The following TRIM50 variants were observed in gnomAD, a reference collection of about 807,000 sequenced individuals.
TRIM50 encodes the protein E3 ubiquitin-protein ligase TRIM50.
TRIM50 carries 34 observed loss-of-function variants against 44.9 expected under a neutral mutation model. The ratio of observed to expected loss-of-function variants is 0.76; its 90% CI spans 0.58 to 1.01. The LOEUF (loss-of-function observed/expected upper bound fraction) is 1.01. Ranked by LOEUF, TRIM50 falls within the 50% of genes least tolerant of loss-of-function variation. The pLI is 0.00. For missense variants in TRIM50, 633 were observed against 663.7 expected, an observed-to-expected ratio of 0.95 and a Z score of 0.51; for synonymous variants, 307 against 291.1, an observed-to-expected ratio of 1.05 and a Z score of -0.56.
intron 5 of TRIM50, among the ~76,000 whole-genome samples, chr7:73,318,260 C>T (rs1181224095): frequency 2.0e-5 from 3 of 152,188 alleles, no homozygotes; most frequent in Non-Finnish European, 2.9e-5. Context: ...TCATGAGTAG[C>T]GGGGACTATA....
chr7:73,316,541 AAGG>A, intron 6 of TRIM50, 21 bp downstream of exon 6: 1 of 1,613,444 alleles, frequency 6.2e-7, no homozygotes, highest in Non-Finnish European at 8.5e-7. Flanking sequence ...AGCCCTCAGG[AAGG>A]AGGACGGGTC....
rs1554543952 is a variant in TRIM50, at chr7:73,315,728, A to T, written c.874+837T>A. 1.3e-5 allele frequency among the ~76,000 whole-genome samples: 2 copies of T among 152,184 alleles called. 1 individual carries two copies. Among genetic ancestry groups the T allele is most frequent in the Non-Finnish European group, 2.9e-5 (2 of 68,036 alleles). On this transcript the variant is annotated intron_variant, in intron 6 of 6. Transcript: ENST00000333149. ...CTGTTAGCAGTCTCCCTTATGTACAAGACAGCATGCTAGTAATAAAGGAAT... is the reference window on the plus strand; with the variant it reads ...CTGTTAGCAGTCTCCCTTATGTACATGACAGCATGCTAGTAATAAAGGAAT...
chr7:73,315,107 A>G, intron 6 of TRIM50: 1 of 300,822 alleles, frequency 3.3e-6, no homozygotes, highest in Non-Finnish European at 6.5e-6. Flanking sequence ...AACAAATGTG[A>G]TGAGATCCGC....
intron 2 of TRIM50, among the ~76,000 whole-genome samples, chr7:73,321,572 G>A (rs1804496313): frequency 6.6e-6 from 1 of 152,118 alleles, no homozygotes; most frequent in African/African-American, 2.4e-5. Context: ...CACTTCTCCT[G>A]GACTGCCCGG....
Position 73,313,670 on chromosome 7 carries a change from CTGAATGAATGAATGAA to C in TRIM50, c.875-176_875-161del, listed in dbSNP as rs3040866. ...GAAGGGGCCAGTACAGGGCTGCTCC[CTGAATGAATGAATGAA>C]TGAATGAATGAATGAATGAATGAAG... On this transcript the variant is annotated intron_variant, in intron 6 of 6. Coordinates refer to ENST00000333149, the MANE Select transcript of TRIM50 (RefSeq NM_178125.3). The surrounding 1 kb of genome is among the most constrained non-coding windows in gnomAD (Gnocchi z 4.9). Among the ~76,000 whole-genome samples the C allele has an allele frequency of 2.0e-5, 3 of 148,924 alleles. No individual in the cohort carries two copies. Among genetic ancestry groups the C allele is most frequent in the Non-Finnish European group, 4.5e-5 (3 of 67,018 alleles).
chr7:73,327,510 G>A (rs1397611944), intron 1 of TRIM50, among the ~76,000 whole-genome samples: 1 of 151,914 alleles, frequency 6.6e-6, no homozygotes, highest in Non-Finnish European at 1.5e-5. Flanking sequence ...ATCAATCAGT[G>A]TCTTGTCTGG....
At chr7:73,315,903 G>A (rs1381741597) in intron 6 of TRIM50, among the ~76,000 whole-genome samples, 9 of 146,638 alleles carry the variant, frequency 6.1e-5, no homozygotes, top group East Asian at 2.0e-4. Context: ...TTTTTGAGAC[G>A]GAGTTTTGCT....
chr7:73,313,932 G>A lies in TRIM50; in HGVS notation c.875-422C>T, dbSNP rs1804298402. On this transcript the variant is annotated intron_variant, in intron 6 of 6. Coordinates refer to ENST00000333149, the MANE Select transcript of TRIM50 (RefSeq NM_178125.3). This position sits in a 1 kb window ranked among gnomAD's most constrained non-coding sequence, Gnocchi z 4.9. ...TGTGAGCCTATAGCTCAGCCCTCAG[G>A]GATTTCTGGAGAACCCATAACAACT... is the stretch of plus-strand genomic sequence containing the variant. Among the ~76,000 whole-genome samples, 1 of 152,122 alleles carries A rather than the reference G, an allele frequency of 6.6e-6. No homozygotes were observed. The highest frequency in any genetic ancestry group is 6.6e-5 in the Admixed American group (1 of 15,250).
Position 73,313,156 on chromosome 7 carries a change from TG to T in TRIM50, c.1228del (p.His410ThrfsTer106). The T allele has an allele frequency of 6.3e-7, 1 of 1,588,324 alleles. No homozygotes were observed. Among genetic ancestry groups the T allele is most frequent in the South Asian group, 1.1e-5 (1 of 87,550 alleles). On this transcript the variant is annotated frameshift_variant, in exon 7 of 7. Transcript: ENST00000333149. LOFTEE classifies it high-confidence loss of function. This position sits in a 1 kb window ranked among gnomAD's most constrained non-coding sequence, Gnocchi z 4.9. ...CAGGTAGAGCCCGATGCGGTGGGGG[TG>T]GCCGGCCACGGGCAGGGGTACCCGG... Reference protein sequence around the residue: ...CPRVPLPVAGHPHRIGLYLHY... With the variant: ...CPRVPLPVAGXPHRIGLYLHY...
At chr7:73,324,306 T>C in intron 2 of TRIM50, 83 bp downstream of exon 2, 2 of 1,602,274 alleles carry the variant, frequency 1.2e-6, no homozygotes, top group East Asian at 2.2e-5. Flanking sequence ...CTGGATCCTT[T>C]TGGTGCCAGG....
chr7:73,327,471 C>G (rs1255900202), intron 1 of TRIM50, among the ~76,000 whole-genome samples: 221 of 152,160 alleles, frequency 1.5e-3, no homozygotes, highest in Middle Eastern at 3.4e-3. Context: ...GGGCTCAGAA[C>G]GAGCCTCTGT....
chr7:73,325,931 AG>A (rs1804614530), intron 1 of TRIM50, among the ~76,000 whole-genome samples: 1 of 152,192 alleles, frequency 6.6e-6, no homozygotes. Flanking sequence ...TCTGTTGCCC[AG>A]GCTGGAGTGC....
At chr7:73,326,404 CTT>C (rs36063137) in intron 1 of TRIM50, among the ~76,000 whole-genome samples, 101 of 138,874 alleles carry the variant, frequency 7.3e-4, no homozygotes, top group Admixed American at 3.7e-3. Flanking sequence ...AGCCTGGCCT[CTT>C]TTTTTTTTTT....
At chr7:73,317,045 G>A in intron 5 of TRIM50, 1 of 177,668 alleles carries the variant, frequency 5.6e-6, no homozygotes, top group East Asian at 1.5e-4. Context: ...CCAATTATGG[G>A]GGCCAAGTAA....
Position 73,312,889 on chromosome 7 carries a change from G to A in TRIM50, c.*32C>T. 1 of 1,476,508 alleles carries A rather than the reference G, an allele frequency of 6.8e-7. No individual in the cohort carries two copies. Among genetic ancestry groups the A allele is most frequent in the Non-Finnish European group, 9.0e-7 (1 of 1,110,900 alleles). The allele number at this position is 1,476,508 out of a possible 1,614,324, so 91.5% of individuals were successfully genotyped here. ...CGAGTCCCCGGTGCCCCGCCGGGAT[G>A]GGCCTGTGGGCCGGCAGGACTCCGG... On this transcript the variant is annotated 3_prime_UTR_variant, in exon 7 of 7. Transcript: ENST00000333149.
rs1169985289 is a variant in TRIM50 at position 73,312,874 on chromosome 7, G to C, written c.*47C>G. 7.0e-7 allele frequency: 1 copy of C among 1,433,380 alleles called. No individual in the cohort carries two copies. The highest frequency in any genetic ancestry group is 9.2e-7 in the Non-Finnish European group (1 of 1,085,054). 88.8% of individuals were successfully genotyped at this position (1,433,380 alleles called of 1,614,324 possible). ...CCCAGCAGAAGCCCGCGAGTCCCCGGTGCCCCGCCGGGATGGGCCTGTGGG... is the reference window on the plus strand; with the variant it reads ...CCCAGCAGAAGCCCGCGAGTCCCCGCTGCCCCGCCGGGATGGGCCTGTGGG... On this transcript the variant is annotated 3_prime_UTR_variant, in exon 7 of 7. Coordinates refer to ENST00000333149, the MANE Select transcript of TRIM50 (RefSeq NM_178125.3).
chr7:73,317,431 C>T (rs535602243), intron 5 of TRIM50, among the ~76,000 whole-genome samples: 8 of 147,988 alleles, frequency 5.4e-5, no homozygotes, highest in Middle Eastern at 3.6e-3. Flanking sequence ...GATCTTAGCT[C>T]GGTGAAACCT....
At position 73,324,702 on chromosome 7, in the gene TRIM50, A is replaced by T; in HGVS notation, c.86T>A (p.Leu29Gln). 6.2e-7 allele frequency: 1 copy of T among 1,614,240 alleles called. No homozygotes were observed. The highest frequency in any genetic ancestry group is 8.5e-7 in the Non-Finnish European group (1 of 1,180,050). The change falls in exon 2 of 7, where the codon CTG becomes CAG. Residue 29 changes from leucine to glutamine, a missense_variant. Physicochemically the swap from Leu to Gln is moderately radical, Grantham distance 113. Transcript: ENST00000333149. ...CLEVFKEPLM[L>Q]QCGHSYCKGC... ...CTTGCAGTAAGAGTGGCCACACTGC[A>T]GCATCAGGGGCTCCTTGAAGACCTC... is the stretch of plus-strand genomic sequence containing the variant.
rs1554543551 is a variant in TRIM50 at position 73,313,411 on chromosome 7, C to G, written c.974G>C (p.Arg325Pro). Residue 325 changes from arginine to proline, a missense_variant, in exon 7 of 7, where the codon CGA becomes CCA. Transcript: ENST00000333149. The surrounding 1 kb of genome is among the most constrained non-coding windows in gnomAD (Gnocchi z 4.9). ...VVQCGLLAQR[R>P]ASQPERFDYS... ...GTCGAAGCGCTCAGGCTGGCTGGCT[C>G]GCCGCTGGGCCAGAAGCCCGCACTG... 6.4e-7 allele frequency: 1 copy of G among 1,574,544 alleles called. No homozygotes were observed. Among genetic ancestry groups the G allele is most frequent in the East Asian group, 2.3e-5 (1 of 43,002 alleles).
Sources: gnomAD v4.1 joint callset for allele counts (sites outside exome capture counted in the v4.1 genomes callset) on GRCh38, gnomAD v4.1.1 for gene constraint, Gnocchi (gnomAD v3.1) non-coding constraint, MANE v1.5 for transcripts, NCBI Gene and HGNC (gene_info 2026-07-23, HGNC 2026-07-21) for gene names.